GPHN: variants seen among roughly 807,000 people sequenced by gnomAD.
GPHN encodes gephyrin.
GPHN carries 17 observed loss-of-function variants against 95.5 expected under a neutral mutation model. The ratio of observed to expected loss-of-function variants is 0.18; its 90% confidence interval spans 0.12 to 0.27. The LOEUF (loss-of-function observed/expected upper bound fraction) is 0.27, where lower values mean the gene tolerates loss of function less well. Ranked by LOEUF, GPHN falls within the 10% of genes least tolerant of loss-of-function variation. GPHN has a pLI of 1.00. For synonymous variants in GPHN, 320 were observed against 322.5 expected (o/e 0.99, Z 0.08); for missense variants, 660 against 978.1 (o/e 0.67, Z 4.34).
At chr14:66,824,665 G>GT in intron 4 of GPHN, 99 bp downstream of exon 4, 1 of 647,988 alleles carries the variant, frequency 1.5e-6, no homozygotes, top group Non-Finnish European at 2.7e-6. Flanking sequence ...ACTTTGCTAG[G>GT]CATAACAAAT....
At chr14:66,879,346 A>G (rs61029022) in intron 4 of GPHN, among the ~76,000 whole-genome samples, 21,952 of 145,482 alleles carry the variant, frequency 0.15, 3,090 homozygotes, top group East Asian at 0.43. Context: ...CAGAACTGAA[A>G]GTATATTAAA....
chr14:67,444,121 C>T, the GPHN span, among the ~76,000 whole-genome samples: 8,454 of 152,176 alleles, frequency 0.056, 395 homozygotes, highest in South Asian at 0.13. Flanking sequence ...CCCAGCTTTC[C>T]GGACTGAAAT....
chr14:67,252,709 A>G, the GPHN span, among the ~76,000 whole-genome samples: 1 of 152,224 alleles, frequency 6.6e-6, no homozygotes, highest in Non-Finnish European at 1.5e-5. Flanking sequence ...TGATGTCATC[A>G]GTGTTGAGAA....
At chr14:67,602,438 A>G in the GPHN span, among the ~76,000 whole-genome samples, 2 of 152,184 alleles carry the variant, frequency 1.3e-5, no homozygotes, top group Non-Finnish European at 1.5e-5. Context: ...CCCTTTTACT[A>G]TTGCATATAT....
At chr14:67,012,950 A>C (rs1308661346) in intron 9 of GPHN, among the ~76,000 whole-genome samples, 1 of 151,998 alleles carries the variant, frequency 6.6e-6, no homozygotes. Context: ...TATAGCACTA[A>C]CCACTTTCTG....
chr14:66,535,732 G>T (rs1315031028), intron 1 of GPHN, among the ~76,000 whole-genome samples: 1 of 151,908 alleles, frequency 6.6e-6, no homozygotes, highest in Non-Finnish European at 1.5e-5. Context: ...TATTGTAAAT[G>T]GTATTCGTTA....
intron 21 of GPHN, among the ~76,000 whole-genome samples, chr14:67,178,941 C>T (rs186876349): frequency 1.0e-3 from 155 of 152,164 alleles, no homozygotes; most frequent in Non-Finnish European, 1.0e-3. Context: ...AAAAAAAATG[C>T]CAACCAGAAA....
At chr14:67,716,831 C>T in the GPHN span, among the ~76,000 whole-genome samples, 1 of 151,514 alleles carries the variant, frequency 6.6e-6, no homozygotes, top group Admixed American at 6.6e-5. Context: ...TTGCAGTGAG[C>T]CGCTATCACA....
chr14:67,056,725 CCACACT>C (rs2075588684), intron 10 of GPHN, among the ~76,000 whole-genome samples: 1 of 152,194 alleles, frequency 6.6e-6, no homozygotes, highest in African/African-American at 2.4e-5. Flanking sequence ...CACCACGTGC[CCACACT>C]CAGCCCTTGG....
the GPHN span, among the ~76,000 whole-genome samples, chr14:67,323,261 G>GTGTGTATATATATATATA: frequency 4.0e-5 from 5 of 124,140 alleles, no homozygotes; most frequent in African/African-American, 1.4e-4. Flanking sequence ...GTGTGTGTGT[G>GTGTGTATATATATATATA]TATATATATA....
chr14:66,793,066 C>T (rs754588259), intron 3 of GPHN, among the ~76,000 whole-genome samples: 3 of 151,914 alleles, frequency 2.0e-5, no homozygotes, highest in African/African-American at 7.3e-5. Flanking sequence ...CCCTCATTCC[C>T]GTAAACCCAC....
At chr14:66,947,132 T>C (rs1379450356) in intron 8 of GPHN, among the ~76,000 whole-genome samples, 1 of 152,232 alleles carries the variant, frequency 6.6e-6, no homozygotes, top group Non-Finnish European at 1.5e-5. Flanking sequence ...GCTCTTCTCT[T>C]ACCATTTCTC....
At chr14:67,569,927 G>A in the GPHN span, 3 of 1,605,252 alleles carry the variant, frequency 1.9e-6, no homozygotes, top group Admixed American at 3.4e-5. Flanking sequence ...TCAGCTTCAA[G>A]CCCTCCTGCC....
chr14:67,061,714 G>C (rs963238729), intron 11 of GPHN, among the ~76,000 whole-genome samples: 2 of 151,698 alleles, frequency 1.3e-5, no homozygotes, highest in African/African-American at 4.8e-5. Flanking sequence ...GTCTCACTAT[G>C]TTTCCCAGGC....
Position 67,089,133 on chromosome 14 carries a change from CTTTTTTTTTTTTT to C in GPHN, c.1237+71_1237+83del, listed in dbSNP as rs1163483546. The C allele has an allele frequency of 0.012, 2,332 of 200,472 alleles. 46 individuals are homozygous for C. The African/African-American group carries it at 0.16, about 14-fold the overall frequency. The allele number at this position is 200,472 out of a possible 1,614,324, so 12.4% of individuals were successfully genotyped here. On this transcript the variant is annotated intron_variant, in intron 12 of 22. Transcript: ENST00000478722. ...GCACTGTATTTTTTTTTCTTTTTTT[CTTTTTTTTTTTTT>C]TTTTTTTTTTTTCAAATTTTTGGCT... is the stretch of plus-strand genomic sequence containing the variant.
chr14:66,630,816 G>A (rs2063767657), intron 1 of GPHN, among the ~76,000 whole-genome samples: 1 of 152,076 alleles, frequency 6.6e-6, no homozygotes, highest in African/African-American at 2.4e-5. Flanking sequence ...TTCTTGTCAT[G>A]CCAGTTAATT....
At chr14:67,083,357 A>T (rs2076763824) in intron 11 of GPHN, among the ~76,000 whole-genome samples, 1 of 151,866 alleles carries the variant, frequency 6.6e-6, no homozygotes, top group Non-Finnish European at 1.5e-5. Context: ...CTGGTTGTTT[A>T]AAAGTGTGTG....
intron 1 of GPHN, among the ~76,000 whole-genome samples, chr14:66,668,665 A>T (rs2066110957): frequency 6.6e-6 from 1 of 152,194 alleles, no homozygotes; most frequent in African/African-American, 2.4e-5. Flanking sequence ...CAGTATCAGG[A>T]AAAATAACTA....
At chr14:67,584,225 C>A in the GPHN span, 1 of 1,183,110 alleles carries the variant, frequency 8.5e-7, no homozygotes, top group Non-Finnish European at 1.2e-6. Context: ...ATACCAGTAA[C>A]CACCAGAGGT....
Sources: allele counts gnomAD v4.1 joint callset (sites outside exome capture counted in the v4.1 genomes callset), GRCh38; gene constraint gnomAD v4.1.1; transcripts MANE v1.5; gene names NCBI Gene and HGNC (gene_info 2026-07-23, HGNC 2026-07-21).